Variants in LOC400499 observed in about 807,000 individuals in gnomAD.
chr16:11,501,025 G>T, the LOC400499 span: 6 of 398,412 alleles, frequency 1.5e-5, no homozygotes, highest in Non-Finnish European at 2.2e-5. Context: ...TCATCTCACC[G>T]AAGTCACCCG....
At chr16:11,518,208 A>T in the LOC400499 span, among the ~76,000 whole-genome samples, 1 of 152,240 alleles carries the variant, frequency 6.6e-6, no homozygotes, top group Non-Finnish European at 1.5e-5. Context: ...GTCCCTCAGC[A>T]GCATCCCCCA....
At chr16:11,464,452 C>T in the LOC400499 span, among the ~76,000 whole-genome samples, 4 of 152,238 alleles carry the variant, frequency 2.6e-5, no homozygotes, top group African/African-American at 9.6e-5. Flanking sequence ...AAATGTGTCA[C>T]GTCACCAGGC....
chr16:11,391,756 A>C, the LOC400499 span: 1 of 1,232,054 alleles, frequency 8.1e-7, no homozygotes, highest in African/African-American at 1.6e-5. Context: ...CTCCGGGCCC[A>C]CAAAGTGGCT....
At chr16:11,445,864 T>C in the LOC400499 span, among the ~76,000 whole-genome samples, 3 of 151,970 alleles carry the variant, frequency 2.0e-5, no homozygotes, top group South Asian at 6.3e-4. Context: ...GGCAGTGTCT[T>C]GCTCTGTGGC....
chr16:11,475,440 A>C, the LOC400499 span, among the ~76,000 whole-genome samples: 3 of 152,246 alleles, frequency 2.0e-5, no homozygotes, highest in Non-Finnish European at 4.4e-5. Context: ...ATTTCCAAGC[A>C]TGTCCTTAAC....
At chr16:11,448,471 G>A in the LOC400499 span, among the ~76,000 whole-genome samples, 2 of 152,090 alleles carry the variant, frequency 1.3e-5, no homozygotes, top group African/African-American at 2.4e-5. Flanking sequence ...TTGAGCCCAG[G>A]GCTTTAAGAC....
chr16:11,421,877 G>A, the LOC400499 span, among the ~76,000 whole-genome samples: 1 of 152,192 alleles, frequency 6.6e-6, no homozygotes, highest in Non-Finnish European at 1.5e-5. Context: ...AGAATAGTGT[G>A]AACGACCATA....
At chr16:11,396,107 C>T in the LOC400499 span, among the ~76,000 whole-genome samples, 1 of 152,240 alleles carries the variant, frequency 6.6e-6, no homozygotes, top group Admixed American at 6.5e-5. Context: ...CGATCTATGC[C>T]TACGACTATA....
At chr16:11,427,186 C>G in the LOC400499 span, among the ~76,000 whole-genome samples, 2 of 151,044 alleles carry the variant, frequency 1.3e-5, no homozygotes, top group African/African-American at 2.4e-5. Flanking sequence ...GGAGAAACCC[C>G]GTCTCTACTA....
chr16:11,462,271 GCCA>G, the LOC400499 span: 1 of 1,511,672 alleles, frequency 6.6e-7, no homozygotes, highest in Non-Finnish European at 8.8e-7. Flanking sequence ...GCTCAGCCTC[GCCA>G]CCCATGGCTG....
chr16:11,401,557 G>C, the LOC400499 span, among the ~76,000 whole-genome samples: 1 of 152,086 alleles, frequency 6.6e-6, no homozygotes, highest in Non-Finnish European at 1.5e-5. Flanking sequence ...AAGGCCCTCG[G>C]AGAGCTCAGT....
the LOC400499 span, among the ~76,000 whole-genome samples, chr16:11,521,460 AAC>A: frequency 6.6e-6 from 1 of 152,174 alleles, no homozygotes; most frequent in Non-Finnish European, 1.5e-5. Flanking sequence ...ACCCAGGACT[AAC>A]ACCACTGGAC....
the LOC400499 span, chr16:11,383,602 G>A: frequency 8.1e-7 from 1 of 1,232,282 alleles, no homozygotes; most frequent in South Asian, 4.1e-5. Flanking sequence ...GAAGGCAGAT[G>A]CCAGACGGGG....
At chr16:11,496,989 T>C in the LOC400499 span, among the ~76,000 whole-genome samples, 2,262 of 152,048 alleles carry the variant, frequency 0.015, 67 homozygotes, top group African/African-American at 0.052. Flanking sequence ...GTGGGTGTCC[T>C]GGGAAAGCCT....
At chr16:11,403,183 T>TGA in the LOC400499 span, among the ~76,000 whole-genome samples, 3 of 152,140 alleles carry the variant, frequency 2.0e-5, no homozygotes, top group Non-Finnish European at 4.4e-5. Context: ...TGGTGACCTG[T>TGA]GAGCTCTGTA....
chr16:11,384,976 C>G, the LOC400499 span: 89 of 1,232,226 alleles, frequency 7.2e-5, no homozygotes, highest in African/African-American at 1.1e-3. Flanking sequence ...CCAGCTCAAT[C>G]CTGGAGACGT....
At chr16:11,410,710 T>A in the LOC400499 span, among the ~76,000 whole-genome samples, 1 of 4,634 alleles carries the variant, frequency 2.2e-4, no homozygotes, top group Non-Finnish European at 7.4e-4. Context: ...CATGCCCTAT[T>A]TTTTTTACTA....
chr16:11,487,288 T>C, the LOC400499 span: 5 of 398,768 alleles, frequency 1.3e-5, no homozygotes, highest in Non-Finnish European at 2.2e-5. Flanking sequence ...GCACGGCCCA[T>C]GGTGTGGATG....
the LOC400499 span, among the ~76,000 whole-genome samples, chr16:11,474,984 G>A: frequency 1.3e-5 from 2 of 152,228 alleles, no homozygotes; most frequent in Non-Finnish European, 2.9e-5. Context: ...GGTAGCTACA[G>A]ATAAAAGGTT....
Sources: allele counts gnomAD v4.1 joint callset (sites outside exome capture counted in the v4.1 genomes callset), GRCh38; gene constraint gnomAD v4.1.1; transcripts MANE v1.5.